The following USP24 variants were observed in gnomAD, a reference collection of about 807,000 sequenced individuals.
USP24 encodes ubiquitin specific peptidase 24.
USP24 carries 97 observed loss-of-function variants against 361.6 expected under a neutral mutation model. The ratio of observed to expected loss-of-function variants is 0.27; its 90% confidence interval spans 0.23 to 0.32. USP24 has a LOEUF of 0.32. Among genes scored for constraint, USP24 ranks in the 10% least tolerant of loss-of-function variants. The probability of loss-of-function intolerance (pLI) is 1.00; values close to 1 mark genes in which losing one functional copy is unlikely to be tolerated. For synonymous variants in USP24, 1,098 were observed against 1,124.6 expected, an observed-to-expected ratio of 0.98 and a Z score of 0.47; for missense variants, 2,353 against 3,165.6, an observed-to-expected ratio of 0.74 and a Z score of 6.16.
intron 8 of USP24, among the ~76,000 whole-genome samples, chr1:55,159,994 T>G (rs78535090): frequency 0.012 from 1,824 of 152,348 alleles, 40 homozygotes; most frequent in African/African-American, 0.042. Flanking sequence ...GAATTGTTTT[T>G]ATAATAAATA....
At chr1:55,090,608 A>C (rs1192287044) in intron 54 of USP24, among the ~76,000 whole-genome samples, 2 of 152,202 alleles carry the variant, frequency 1.3e-5, no homozygotes, top group African/African-American at 4.8e-5. Context: ...GAGAGGGAAA[A>C]GACTGGGAAC....
chr1:55,174,352 G>C (rs1649742877), intron 3 of USP24, among the ~76,000 whole-genome samples: 1 of 152,120 alleles, frequency 6.6e-6, no homozygotes, highest in Non-Finnish European at 1.5e-5. Flanking sequence ...AAGGCACACA[G>C]AACTCTAGCT....
At chr1:55,081,224 G>C in intron 59 of USP24, 98 bp downstream of exon 59, 1 of 1,239,842 alleles carries the variant, frequency 8.1e-7, no homozygotes, top group South Asian at 1.5e-5. Flanking sequence ...GCAAGTAGTC[G>C]AATGAGAAAC....
At chr1:55,145,106 A>G (rs567190485) in intron 20 of USP24, among the ~76,000 whole-genome samples, 1 of 152,208 alleles carries the variant, frequency 6.6e-6, no homozygotes, top group African/African-American at 2.4e-5. Context: ...TTTGCAAAAC[A>G]GACAGTTCCT....
Position 55,072,383 on chromosome 1 carries a change from T to A in USP24, c.7623A>T (p.Thr2541=), listed in dbSNP as rs756073832. The change falls in exon 66 of 68, where the codon ACA becomes ACT. Residue 2541 remains threonine, a synonymous_variant. Coordinates refer to ENST00000294383, the MANE Select transcript of USP24 (RefSeq NM_015306.3). The part of the protein sequence containing the change: ...LQKKMSEHYW[T]PQSNVSNETS... ...TTTCATTAGAGACATTACTCTGTGG[T>A]GTCCAGTAATGTTCTGACATCTGAG... 2 of 1,613,464 alleles carry A rather than the reference T, an allele frequency of 1.2e-6. No individual in the cohort carries two copies. The highest frequency in any genetic ancestry group is 1.7e-5 in the Admixed American group (1 of 59,972).
rs750050840 is a variant in USP24, at chr1:55,092,103, A to G, written c.6474T>C (p.Tyr2158=). The G allele has an allele frequency of 3.1e-6, 5 of 1,612,008 alleles. No homozygotes were observed. In the East Asian group the frequency reaches 1.1e-4, roughly 36 times the overall value. The change falls in exon 54 of 68, where the codon TAT becomes TAC. Residue 2158 remains tyrosine, a synonymous_variant. Transcript: ENST00000294383. ...GTAAGCTCACCTTTGCCATGCAAGGATAATATGGATGCTTTAATTTAGTCT... is the reference window on the plus strand; with the variant it reads ...GTAAGCTCACCTTTGCCATGCAAGGGTAATATGGATGCTTTAATTTAGTCT... ...LNATKLKHPY[Y]PCMAKVSLQL... is the part of the protein sequence containing the mutation.
At chr1:55,178,939 T>C (rs1650290472) in intron 1 of USP24, among the ~76,000 whole-genome samples, 1 of 152,172 alleles carries the variant, frequency 6.6e-6, no homozygotes, top group Non-Finnish European at 1.5e-5. Context: ...AATGCTTGCC[T>C]TCATCAACAA....
chr1:55,143,157 C>A, intron 21 of USP24, 38 bp from the exon 22 acceptor site: 1 of 1,396,288 alleles, frequency 7.2e-7, no homozygotes, highest in South Asian at 1.6e-5. Flanking sequence ...TAAAGCATAT[C>A]AAGATCACAA....
chr1:55,117,910 A>T (rs1362931753), intron 38 of USP24, among the ~76,000 whole-genome samples: 2 of 152,172 alleles, frequency 1.3e-5, no homozygotes, highest in Non-Finnish European at 2.9e-5. Context: ...AAAAATAATA[A>T]AATACTTAGG....
chr1:55,157,339 G>A lies in USP24; in HGVS notation c.1259C>T (p.Ser420Phe). The A allele has an allele frequency of 6.3e-7, 1 of 1,597,946 alleles. No homozygotes were observed. Among genetic ancestry groups the A allele is most frequent in the Non-Finnish European group, 8.5e-7 (1 of 1,175,306 alleles). ...ATCTATAGCATTCTTCACAGATTTG[G>A]ATAAAGTGCTATCTTCTATTAGTTT... is the stretch of plus-strand genomic sequence containing the variant. ...VTKLIEDSTL[S>F]KSVKNAIDTD... is the part of the protein sequence containing the mutation. Residue 420 changes from serine (S) to phenylalanine (F), a missense_variant, in exon 11 of 68, where the codon TCC becomes TTC. Ser to Phe is a radical substitution (Grantham distance 155, BLOSUM62 -2). Coordinates refer to ENST00000294383, the MANE Select transcript of USP24 (RefSeq NM_015306.3).
intron 26 of USP24, 92 bp from the exon 27 acceptor site, chr1:55,137,996 G>C (rs1646785554): frequency 1.8e-5 from 23 of 1,246,580 alleles, no homozygotes; most frequent in Non-Finnish European, 2.6e-5. Context: ...ACTGGGCACT[G>C]TTCTAGAAGC....
intron 3 of USP24, among the ~76,000 whole-genome samples, chr1:55,174,776 AT>A (rs1557669885): frequency 6.6e-6 from 1 of 151,696 alleles, no homozygotes; most frequent in East Asian, 2.0e-4. Flanking sequence ...CAATATAACA[AT>A]TTTGCTATTT....
intron 51 of USP24, 101 bp downstream of exon 51, chr1:55,095,154 C>A: frequency 7.7e-7 from 1 of 1,294,882 alleles, no homozygotes; most frequent in Non-Finnish European, 1.0e-6. Context: ...AATTTCTCTC[C>A]AGCTTAGCTA....
chr1:55,134,964 T>C (rs959749464), intron 28 of USP24, among the ~76,000 whole-genome samples: 7 of 152,162 alleles, frequency 4.6e-5, no homozygotes, highest in Non-Finnish European at 1.0e-4. Flanking sequence ...TTATAAGGAA[T>C]AAGAAATCGG....
At chr1:55,114,924 A>C (rs1322626516) in intron 38 of USP24, among the ~76,000 whole-genome samples, 2 of 152,212 alleles carry the variant, frequency 1.3e-5, no homozygotes, top group Non-Finnish European at 2.9e-5. Context: ...GAGCTTCTGC[A>C]CAGCAAAAGA....
chr1:55,133,636 CTCT>C (rs1431305859), intron 30 of USP24, among the ~76,000 whole-genome samples: 5 of 105,852 alleles, frequency 4.7e-5, no homozygotes, highest in South Asian at 7.5e-4. Flanking sequence ...TTCTCTCTCT[CTCT>C]TTTTTTTTTT....
intron 1 of USP24, among the ~76,000 whole-genome samples, chr1:55,187,538 A>G (rs556901130): frequency 9.2e-5 from 14 of 152,344 alleles, no homozygotes; most frequent in Admixed American, 4.6e-4. Flanking sequence ...TTGCACAGAG[A>G]AAATCCTAAG....
At chr1:55,162,386 T>C (rs1331879919) in intron 7 of USP24, 122 bp from the exon 8 acceptor site, 11 of 702,810 alleles carry the variant, frequency 1.6e-5, no homozygotes, top group Admixed American at 1.2e-4. Flanking sequence ...AAGTCATGAA[T>C]AGAAGACTAG....
In USP24 at chr1:55,191,426, C is replaced by T. The variant is rs148303795; in HGVS notation, c.325-13294G>A. ...ATTCAAATAGTTATGATTATGACTTCATCTGTTTGCCAACTGTTTGGACTA... is the reference window on the plus strand; with the variant it reads ...ATTCAAATAGTTATGATTATGACTTTATCTGTTTGCCAACTGTTTGGACTA... On this transcript the variant is annotated intron_variant, in intron 1 of 67. Transcript: ENST00000294383. 5.0e-4 allele frequency among the ~76,000 whole-genome samples: 76 copies of T among 151,942 alleles called. No individual in the cohort carries two copies. The East Asian group carries it at 0.014, about 27-fold the overall frequency.
Sources: gnomAD v4.1 joint callset for allele counts (sites outside exome capture counted in the v4.1 genomes callset) on GRCh38, gnomAD v4.1.1 for gene constraint, MANE v1.5 for transcripts, NCBI Gene and HGNC (gene_info 2026-07-23, HGNC 2026-07-21) for gene names.